The following SSBP2 variants were observed in gnomAD, a reference collection of about 807,000 sequenced individuals.
SSBP2 encodes the protein single-stranded DNA-binding protein 2.
Under a neutral mutation model 61.8 loss-of-function variants are expected in SSBP2, and 17 were observed. The ratio of observed to expected loss-of-function variants is 0.28; its 90% CI spans 0.19 to 0.41. SSBP2 has a LOEUF of 0.41. Ranked by LOEUF, SSBP2 falls within the 10% of genes least tolerant of loss-of-function variation. The pLI is 1.00. For missense variants in SSBP2, 310 were observed against 458.7 expected (o/e 0.68, Z 2.96); for synonymous variants, 139 against 141.3 (o/e 0.98, Z 0.12).
chr5:81,659,606 T>G (rs1173117360), intron 1 of SSBP2, among the ~76,000 whole-genome samples: 1 of 152,150 alleles, frequency 6.6e-6, no homozygotes, highest in Admixed American at 6.5e-5. Context: ...AATGTATAGA[T>G]TTAATGCTAT....
At chr5:81,610,034 A>G (rs1481558126) in intron 4 of SSBP2, among the ~76,000 whole-genome samples, 2 of 152,124 alleles carry the variant, frequency 1.3e-5, no homozygotes, top group Non-Finnish European at 2.9e-5. Context: ...GTGTATCCTC[A>G]TTCTTCTTGG....
At chr5:81,742,058 C>T (rs1283930277) in intron 1 of SSBP2, among the ~76,000 whole-genome samples, 1 of 152,186 alleles carries the variant, frequency 6.6e-6, no homozygotes, top group Non-Finnish European at 1.5e-5. Context: ...ATTACCCTAG[C>T]TGCATAAGTC....
At chr5:81,707,157 T>C (rs1001561650) in intron 1 of SSBP2, among the ~76,000 whole-genome samples, 1 of 152,054 alleles carries the variant, frequency 6.6e-6, no homozygotes, top group African/African-American at 2.4e-5. Flanking sequence ...AATGAGGAGT[T>C]TCTATTAAGT....
intron 5 of SSBP2, among the ~76,000 whole-genome samples, chr5:81,509,316 T>C (rs571483152): frequency 1.3e-5 from 2 of 152,324 alleles, no homozygotes; most frequent in South Asian, 2.1e-4. Flanking sequence ...TGTGAACTGA[T>C]ACTCCAACAC....
chr5:81,545,618 C>T (rs549555049), intron 4 of SSBP2, among the ~76,000 whole-genome samples: 2 of 152,212 alleles, frequency 1.3e-5, no homozygotes, highest in African/African-American at 4.8e-5. Context: ...TTGTTGATTA[C>T]ATATTAGGTG....
intron 16 of SSBP2, among the ~76,000 whole-genome samples, chr5:81,427,718 T>C (rs76183031): frequency 6.6e-6 from 1 of 152,262 alleles, no homozygotes; most frequent in South Asian, 2.1e-4. Context: ...TGAAATTCAT[T>C]TGGGTTTTGA....
At chr5:81,434,561 G>A (rs537486342) in intron 15 of SSBP2, among the ~76,000 whole-genome samples, 21 of 149,562 alleles carry the variant, frequency 1.4e-4, no homozygotes, top group African/African-American at 5.0e-4. Context: ...CCCAGGAGGC[G>A]GAGGTTGCGG....
intron 2 of SSBP2, among the ~76,000 whole-genome samples, chr5:81,641,551 C>T (rs1253236219): frequency 1.3e-5 from 2 of 152,114 alleles, no homozygotes; most frequent in Non-Finnish European, 2.9e-5. Context: ...GGTATGTCCA[C>T]AGAAGAGATG....
intron 4 of SSBP2, among the ~76,000 whole-genome samples, chr5:81,564,237 A>G (rs896383037): frequency 3.3e-5 from 5 of 152,196 alleles, no homozygotes; most frequent in Admixed American, 6.6e-5. Context: ...TTAAAAAGGC[A>G]AAAGTGTTGA....
chr5:81,635,159 C>A (rs772828090), intron 3 of SSBP2, among the ~76,000 whole-genome samples: 9 of 151,970 alleles, frequency 5.9e-5, no homozygotes, highest in Non-Finnish European at 8.8e-5. Context: ...TTAAAAGATA[C>A]CACTACCATG....
chr5:81,576,249 A>G (rs1774206640), intron 4 of SSBP2, among the ~76,000 whole-genome samples: 2 of 151,786 alleles, frequency 1.3e-5, no homozygotes, highest in African/African-American at 4.8e-5. Flanking sequence ...ACTACTCCCC[A>G]AAACTTAAAA....
chr5:81,697,952 A>G (rs1364425300), intron 1 of SSBP2, among the ~76,000 whole-genome samples: 2 of 152,152 alleles, frequency 1.3e-5, no homozygotes, highest in Non-Finnish European at 2.9e-5. Context: ...AATCTCATCT[A>G]CATATTCTTT....
chr5:81,733,137 G>A (rs1375099694), intron 1 of SSBP2, among the ~76,000 whole-genome samples: 1 of 151,988 alleles, frequency 6.6e-6, no homozygotes, highest in Non-Finnish European at 1.5e-5. Flanking sequence ...AATAGGCCTG[G>A]AATCCTCCAA....
chr5:81,747,143 G>C (rs945856195), intron 1 of SSBP2, among the ~76,000 whole-genome samples: 16 of 151,994 alleles, frequency 1.1e-4, no homozygotes, highest in African/African-American at 3.9e-4. Flanking sequence ...GGGTGCACCA[G>C]TGGTTAAGAC....
chr5:81,571,636 T>C (rs1320020860), intron 4 of SSBP2, among the ~76,000 whole-genome samples: 1 of 152,178 alleles, frequency 6.6e-6, no homozygotes, highest in African/African-American at 2.4e-5. Context: ...CTGGCTAAAG[T>C]AGATTATAAC....
At chr5:81,635,772 G>A (rs549538341) in intron 3 of SSBP2, among the ~76,000 whole-genome samples, 2 of 152,104 alleles carry the variant, frequency 1.3e-5, no homozygotes, top group East Asian at 3.9e-4. Flanking sequence ...TTTTAGTAGA[G>A]ACGGGGTTTC....
At chr5:81,743,036 C>T (rs904351169) in intron 1 of SSBP2, among the ~76,000 whole-genome samples, 1 of 152,128 alleles carries the variant, frequency 6.6e-6, no homozygotes, top group Admixed American at 6.5e-5. Context: ...AAGTGTTCAA[C>T]AAATCTTAGT....
chr5:81,701,199 T>C (rs1753961459), intron 1 of SSBP2, among the ~76,000 whole-genome samples: 1 of 152,164 alleles, frequency 6.6e-6, no homozygotes, highest in South Asian at 2.1e-4. Flanking sequence ...TGTAATACTT[T>C]CATGTCTCAG....
chr5:81,433,527 C>T (rs1274182766), intron 15 of SSBP2, among the ~76,000 whole-genome samples: 17 of 150,944 alleles, frequency 1.1e-4, no homozygotes, highest in Non-Finnish European at 2.5e-4. Context: ...TTCCCTCCTT[C>T]CCTCCACTAT....
Sources: gnomAD v4.1 joint callset for allele counts (sites outside exome capture counted in the v4.1 genomes callset) on GRCh38, gnomAD v4.1.1 for gene constraint, MANE v1.5 for transcripts, NCBI Gene and HGNC (gene_info 2026-07-23, HGNC 2026-07-21) for gene names.